TMPRSS11E: variants seen among roughly 807,000 people sequenced by gnomAD.
TMPRSS11E encodes transmembrane serine protease 11E.
In TMPRSS11E, 38 loss-of-function variants were observed where a neutral mutation model predicts 48.1. That is an observed-to-expected ratio of 0.79 (90% CI 0.61 to 1.04). The LOEUF (loss-of-function observed/expected upper bound fraction) is 1.04, where lower values mean the gene tolerates loss of function less well. TMPRSS11E is among the 50% of genes least tolerant of loss of function. The probability of loss-of-function intolerance (pLI) is 0.00; values close to 1 mark genes in which losing one functional copy is unlikely to be tolerated. For missense variants in TMPRSS11E, 530 were observed against 510.8 expected (o/e 1.04, Z -0.36); for synonymous variants, 158 against 171.9 (o/e 0.92, Z 0.63).
intron 6 of TMPRSS11E, among the ~76,000 whole-genome samples, chr4:68,475,735 G>A (rs1018240661): frequency 6.6e-6 from 1 of 152,100 alleles, no homozygotes; most frequent in Non-Finnish European, 1.5e-5. Context: ...TGGCATTTTT[G>A]TCATGAATAT....
intron 1 of TMPRSS11E, among the ~76,000 whole-genome samples, chr4:68,460,001 T>C (rs1728744491): frequency 6.6e-6 from 1 of 152,192 alleles, no homozygotes; most frequent in Non-Finnish European, 1.5e-5. Flanking sequence ...TAATTGACAT[T>C]CTAGGAACAG....
At chr4:68,452,907 C>G (rs546859007) in intron 1 of TMPRSS11E, among the ~76,000 whole-genome samples, 4 of 151,934 alleles carry the variant, frequency 2.6e-5, no homozygotes, top group African/African-American at 7.2e-5. Context: ...GGACAACTGG[C>G]AGCTGCCTGA....
Position 68,461,836 on chromosome 4 carries a change from G to C in TMPRSS11E, c.27G>C (p.Arg9Ser). 6.2e-7 allele frequency: 1 copy of C among 1,614,110 alleles called. No individual in the cohort carries two copies. The highest frequency in any genetic ancestry group is 8.5e-7 in the Non-Finnish European group (1 of 1,179,984). The stretch of plus-strand genomic sequence containing the variant: ...TCTTCCTTAGGCCAGATGTGGTGAG[G>C]GCTAGGAAAAGAGTTTGTTGGGAAC... MMYRPDVVRARKRVCWEPW... is the reference protein window; with the variant it reads MMYRPDVVSARKRVCWEPW... The change falls in exon 2 of 10, where the codon AGG becomes AGC. Residue 9 changes from arginine (R) to serine (S), a missense_variant. Coordinates refer to ENST00000305363, the MANE Select transcript of TMPRSS11E (RefSeq NM_014058.4).
chr4:68,482,434 C>T (rs1433928052), intron 9 of TMPRSS11E, among the ~76,000 whole-genome samples: 1 of 151,832 alleles, frequency 6.6e-6, no homozygotes, highest in Non-Finnish European at 1.5e-5. Flanking sequence ...CCCCAAAAGT[C>T]TTAACTCATT....
At chr4:68,495,268 T>TA (rs1483646261) in intron 9 of TMPRSS11E, among the ~76,000 whole-genome samples, 1 of 152,054 alleles carries the variant, frequency 6.6e-6, no homozygotes, top group Non-Finnish European at 1.5e-5. Context: ...TTATATTATT[T>TA]ACTATTTGTA....
At chr4:68,469,164 G>A (rs896610607) in intron 4 of TMPRSS11E, among the ~76,000 whole-genome samples, 1 of 152,016 alleles carries the variant, frequency 6.6e-6, no homozygotes, top group African/African-American at 2.4e-5. Context: ...TATAATTGGT[G>A]CCTATGTTAT....
At chr4:68,492,407 C>A (rs1729752145) in intron 9 of TMPRSS11E, among the ~76,000 whole-genome samples, 1 of 152,090 alleles carries the variant, frequency 6.6e-6, no homozygotes, top group Non-Finnish European at 1.5e-5. Flanking sequence ...TGATACTGTG[C>A]CTTTTTGTTT....
intron 8 of TMPRSS11E, among the ~76,000 whole-genome samples, chr4:68,477,971 G>A (rs1480016817): frequency 1.3e-5 from 2 of 152,060 alleles, no homozygotes; most frequent in Admixed American, 1.3e-4. Context: ...GAATCATAAA[G>A]CCACCATTCT....
intron 9 of TMPRSS11E, among the ~76,000 whole-genome samples, chr4:68,489,149 G>C (rs886793476): frequency 6.6e-6 from 1 of 152,266 alleles, no homozygotes; most frequent in Non-Finnish European, 1.5e-5. Context: ...TATATTCTTT[G>C]ATGCCTTTTG....
rs1270413170 is a variant in TMPRSS11E at position 68,476,346 on chromosome 4, G to A, written c.615G>A (p.Trp205Ter). The A allele has an allele frequency of 2.5e-6, 4 of 1,614,044 alleles. No individual in the cohort carries two copies. Among genetic ancestry groups the A allele is most frequent in the African/African-American group, 1.3e-5 (1 of 74,938 alleles). ...GTEVEEGEWP[W>*]QASLQWDGSH... ...AAGTAGAAGAGGGTGAATGGCCCTG[G>A]CAGGCTAGCCTGCAGTGGGATGGGA... Residue 205 changes from tryptophan (W) to a stop codon, truncating the protein, a stop_gained, in exon 7 of 10, where the codon TGG (tryptophan) becomes TGA (stop). Transcript: ENST00000305363. LOFTEE classifies it high-confidence loss of function.
At chr4:68,486,569 A>T (rs1211291213) in intron 9 of TMPRSS11E, among the ~76,000 whole-genome samples, 1 of 152,178 alleles carries the variant, frequency 6.6e-6, no homozygotes, top group African/African-American at 2.4e-5. Context: ...TTGATCTTAG[A>T]GTATGTGCCA....
intron 1 of TMPRSS11E, among the ~76,000 whole-genome samples, chr4:68,457,968 A>T (rs1728681101): frequency 6.6e-6 from 1 of 152,078 alleles, no homozygotes; most frequent in Non-Finnish European, 1.5e-5. Context: ...GTATTAGGAG[A>T]AATACCTAAT....
intron 9 of TMPRSS11E, among the ~76,000 whole-genome samples, chr4:68,481,932 C>G (rs895404626): frequency 5.9e-5 from 9 of 152,000 alleles, no homozygotes; most frequent in Non-Finnish European, 2.9e-5. Flanking sequence ...AGAGCAAAAC[C>G]CTGTCTCCAA....
At chr4:68,452,224 C>T (rs576365479) in intron 1 of TMPRSS11E, among the ~76,000 whole-genome samples, 13 of 151,850 alleles carry the variant, frequency 8.6e-5, no homozygotes, top group African/African-American at 2.2e-4. Context: ...AAATTAACAC[C>T]GGTGGCTACA....
Position 68,482,590 on chromosome 4 carries a change from C to CAAAAAAAAA in TMPRSS11E, c.1110+3623_1110+3631dup, listed in dbSNP as rs371144994. On this transcript the variant is annotated intron_variant, in intron 9 of 9. Coordinates refer to ENST00000305363, the MANE Select transcript of TMPRSS11E (RefSeq NM_014058.4). The stretch of plus-strand genomic sequence containing the variant: ...GTAATGTGGCAAAACTGCATCTCCA[C>CAAAAAAAAA]AAAAAAAAAAAAAAAAAAAAAAAAA... 6.8e-4 allele frequency among the ~76,000 whole-genome samples: 72 copies of CAAAAAAAAA among 106,052 alleles called. 1 individual carries two copies. Among genetic ancestry groups the CAAAAAAAAA allele is most frequent in the Middle Eastern group, 6.3e-3 (1 of 160 alleles). The allele number at this position is 106,052 out of a possible 152,430, so 69.6% of individuals were successfully genotyped here.
intron 9 of TMPRSS11E, 105 bp from the exon 10 acceptor site, chr4:68,496,538 A>G (rs1729869753): frequency 1.7e-6 from 2 of 1,155,512 alleles, no homozygotes. Context: ...CACACGGAAT[A>G]CTTTTGAAAA....
chr4:68,448,267 G>C (rs374805923), intron 1 of TMPRSS11E, among the ~76,000 whole-genome samples: 1 of 151,868 alleles, frequency 6.6e-6, no homozygotes, highest in Admixed American at 6.6e-5. Flanking sequence ...GTTTGAAAAT[G>C]TTAAACTTTG....
intron 9 of TMPRSS11E, 137 bp from the exon 10 acceptor site, chr4:68,496,506 G>T: frequency 2.3e-6 from 2 of 853,576 alleles, no homozygotes; most frequent in Non-Finnish European, 3.6e-6. Flanking sequence ...CATAGATGGA[G>T]AAAATCACTT....
chr4:68,476,410 C>CT lies in TMPRSS11E; in HGVS notation c.681dup (p.Val228CysfsTer11). On this transcript the variant is annotated frameshift_variant, in exon 7 of 10. Coordinates refer to ENST00000305363, the MANE Select transcript of TMPRSS11E (RefSeq NM_014058.4). LOFTEE classifies it high-confidence loss of function. The stretch of plus-strand genomic sequence containing the variant: ...AGCAACCTTAATTAATGCCACATGG[C>CT]TTGTGAGTGCTGCTCACTGTTTTAC... 1 of 1,613,306 alleles carries CT rather than the reference C, an allele frequency of 6.2e-7. No homozygotes were observed. The highest frequency in any genetic ancestry group is 8.5e-7 in the Non-Finnish European group (1 of 1,179,484).
Sources: gnomAD v4.1 joint callset for allele counts (sites outside exome capture counted in the v4.1 genomes callset) on GRCh38, gnomAD v4.1.1 for gene constraint, MANE v1.5 for transcripts, NCBI Gene and HGNC (gene_info 2026-07-23, HGNC 2026-07-21) for gene names.